Variants in PFKL observed in about 807,000 individuals in gnomAD.
PFKL encodes the protein ATP-dependent 6-phosphofructokinase, liver type.
Under a neutral mutation model 92.1 loss-of-function variants are expected in PFKL, and 74 were observed. The observed-to-expected ratio is 0.80, with a 90% CI of 0.67 to 0.97. The LOEUF (loss-of-function observed/expected upper bound fraction) is 0.97, where lower values mean the gene tolerates loss of function less well. Ranked by LOEUF, PFKL falls within the 50% of genes least tolerant of loss-of-function variation. PFKL has a pLI of 0.00. For missense variants in PFKL, 1,028 were observed against 1,116.6 expected (o/e 0.92, Z 1.13); for synonymous variants, 494 against 456.4 (o/e 1.08, Z -1.05).
At chr21:44,300,215 G>T (rs1164677716) in intron 1 of PFKL, 25 bp downstream of exon 1, 1 of 1,053,126 alleles carries the variant, frequency 9.5e-7, no homozygotes, top group Admixed American at 5.5e-5. Flanking sequence ...CGGCCGCGTC[G>T]CGGCGCAGGG....
Position 44,304,393 on chromosome 21 carries a change from C to T in PFKL, c.86-2288C>T, listed in dbSNP as rs74597116. Reference sequence around the variant, plus strand: ...AGACCAGAGAGGCCCTGTGGTTGGACGGTGGCCTGGGTGCGCTGCTCCTGC... The same window carrying T: ...AGACCAGAGAGGCCCTGTGGTTGGATGGTGGCCTGGGTGCGCTGCTCCTGC... On this transcript the variant is annotated intron_variant, in intron 1 of 21. Transcript: ENST00000349048. The T allele has an allele frequency of 5.8e-4, 729 of 1,262,570 alleles. 4 individuals are homozygous for T. In the African/African-American group the frequency reaches 0.01, roughly 17 times the overall value. 78.2% of individuals were successfully genotyped at this position (1,262,570 alleles called of 1,614,324 possible). A position where few individuals can be genotyped will look rare whatever the true frequency, so the allele number is the denominator to read the frequency against.
At chr21:44,317,234 G>T (rs559503328) in intron 9 of PFKL, among the ~76,000 whole-genome samples, 4 of 152,330 alleles carry the variant, frequency 2.6e-5, no homozygotes, top group Non-Finnish European at 4.4e-5. Flanking sequence ...CTGTCAGACA[G>T]GTGGGACTTG....
intron 1 of PFKL, chr21:44,305,986 T>C: frequency 8.0e-7 from 1 of 1,244,206 alleles, no homozygotes. Flanking sequence ...CCTGGGTGGC[T>C]GAGGCCGGAG....
chr21:44,303,497 T>C (rs529607674), intron 1 of PFKL, among the ~76,000 whole-genome samples: 1 of 148,630 alleles, frequency 6.7e-6, no homozygotes, highest in Non-Finnish European at 1.5e-5. Flanking sequence ...CGCCCTGGCC[T>C]GGGCACTTTT....
intron 15 of PFKL, among the ~76,000 whole-genome samples, 162 bp downstream of exon 15, chr21:44,323,211 G>A (rs369870783): frequency 4.0e-5 from 6 of 151,686 alleles, no homozygotes; most frequent in African/African-American, 1.5e-4. Context: ...GAGGGCACCC[G>A]TGTGCCAGCT....
chr21:44,320,318 T>A, intron 12 of PFKL, 171 bp downstream of exon 12: 1 of 533,134 alleles, frequency 1.9e-6, no homozygotes, highest in Non-Finnish European at 3.3e-6. Context: ...GGCACCACTG[T>A]GGCTGGCAGG....
At chr21:44,322,007 C>A in intron 13 of PFKL, 126 bp from the exon 14 acceptor site, 1 of 1,437,138 alleles carries the variant, frequency 7.0e-7, no homozygotes, top group Non-Finnish European at 9.4e-7. Flanking sequence ...CCACCCGGGC[C>A]TGGGTACTCA....
chr21:44,325,071 C>A, intron 18 of PFKL, 82 bp from the exon 19 acceptor site: 1 of 1,222,012 alleles, frequency 8.2e-7, no homozygotes, highest in Non-Finnish European at 1.2e-6. Context: ...CTCCCTCTCC[C>A]AGGCCTGGCC....
intron 12 of PFKL, chr21:44,320,794 G>A (rs900659368): frequency 1.3e-5 from 2 of 152,306 alleles, no homozygotes; most frequent in African/African-American, 4.8e-5. Context: ...GGATGAAATG[G>A]CTTGTTTCTA....
rs867378933 is a variant in PFKL, at chr21:44,324,243, A to G, written c.1651-248A>G. ...AAGGGTGCCAGGGACACCCCTGCCC[A>G]CTCACAGCCAGTGTGTGTGCAGGCT... On this transcript the variant is annotated intron_variant, in intron 16 of 21. Coordinates refer to ENST00000349048, the MANE Select transcript of PFKL (RefSeq NM_002626.6). Among the ~76,000 whole-genome samples, 6 of 152,060 alleles carry G rather than the reference A, an allele frequency of 3.9e-5. No homozygotes were observed. In the South Asian group the frequency reaches 6.2e-4, roughly 16 times the overall value.
intron 7 of PFKL, 193 bp from the exon 8 acceptor site, chr21:44,316,051 G>A (rs976926624): frequency 1.3e-5 from 8 of 602,476 alleles, no homozygotes; most frequent in Admixed American, 8.4e-5. Flanking sequence ...AGGAGGGCGG[G>A]GCGTCCTAGT....
At chr21:44,309,548 T>C (rs910601769) in intron 2 of PFKL, among the ~76,000 whole-genome samples, 3 of 152,138 alleles carry the variant, frequency 2.0e-5, no homozygotes, top group South Asian at 2.1e-4. Flanking sequence ...GCCACTGGCC[T>C]TGTGGGGTCT....
At position 44,322,053 on chromosome 21, in the gene PFKL, C is replaced by T. The variant is rs756543885; in HGVS notation, c.1339-80C>T. ...CAGCGTGATGCCCAACACTGGCTGG[C>T]CCCCGGGCACAGGCCCACCCCTGGG... On this transcript the variant is annotated intron_variant, in intron 13 of 21. Coordinates refer to ENST00000349048, the MANE Select transcript of PFKL (RefSeq NM_002626.6). 1.6e-4 allele frequency: 238 copies of T among 1,493,712 alleles called. 2 individuals are homozygous for T. The highest frequency in any genetic ancestry group is 2.9e-5 in the Non-Finnish European group (32 of 1,103,582). 92.5% of individuals were successfully genotyped at this position (1,493,712 alleles called of 1,614,324 possible).
At chr21:44,319,750 C>A in intron 11 of PFKL, 1 of 521,454 alleles carries the variant, frequency 1.9e-6, no homozygotes, top group South Asian at 2.4e-5. Context: ...TACCACCCCC[C>A]TGCAGGCGTC....
chr21:44,311,588 G>C (rs1052749062), intron 3 of PFKL, among the ~76,000 whole-genome samples: 1 of 152,212 alleles, frequency 6.6e-6, no homozygotes, highest in African/African-American at 2.4e-5. Context: ...CCTGTCATCT[G>C]CTGCCATGGA....
intron 2 of PFKL, among the ~76,000 whole-genome samples, chr21:44,308,842 G>A (rs1351741254): frequency 2.6e-5 from 4 of 152,120 alleles, no homozygotes; most frequent in South Asian, 4.1e-4. Flanking sequence ...GATTACAGGC[G>A]CGAGCCACTG....
Position 44,326,866 on chromosome 21 carries a change from C to T in PFKL, c.*4C>T. 1.6e-5 allele frequency: 25 copies of T among 1,603,150 alleles called. No homozygotes were observed. The highest frequency in any genetic ancestry group is 2.0e-5 in the Non-Finnish European group (23 of 1,175,412). Reference sequence around the variant, plus strand: ...GAGCATGGACAAGGGCTTCTGAGGCCAGCCATGCCCACGCCCCTCCCCAGC... The same window carrying T: ...GAGCATGGACAAGGGCTTCTGAGGCTAGCCATGCCCACGCCCCTCCCCAGC... On this transcript the variant is annotated 3_prime_UTR_variant, in exon 22 of 22. Transcript: ENST00000349048.
At chr21:44,314,974 T>C (rs2047162614) in intron 7 of PFKL, 1 of 152,182 alleles carries the variant, frequency 6.6e-6, no homozygotes, top group Non-Finnish European at 1.5e-5. Flanking sequence ...GTCACTCCCA[T>C]CTGTGTGGAC....
intron 7 of PFKL, chr21:44,315,992 T>C: frequency 1.9e-6 from 1 of 530,532 alleles, no homozygotes; most frequent in Non-Finnish European, 3.4e-6. Flanking sequence ...CTTCCTCCCC[T>C]GCTGCCCTTC....
Sources: allele counts gnomAD v4.1 joint callset (sites outside exome capture counted in the v4.1 genomes callset), GRCh38; gene constraint gnomAD v4.1.1; transcripts MANE v1.5; gene names NCBI Gene and HGNC (gene_info 2026-07-23, HGNC 2026-07-21).